The following DOCK7 variants were observed in gnomAD, a reference collection of about 807,000 sequenced individuals.
DOCK7 encodes the protein dedicator of cytokinesis protein 7.
Under a neutral mutation model 271.0 loss-of-function variants are expected in DOCK7, and 138 were observed. The observed-to-expected ratio is 0.51, with a 90% CI of 0.44 to 0.59. The LOEUF is 0.59. Ranked by LOEUF, DOCK7 falls within the 20% of genes least tolerant of loss-of-function variation. The probability of loss-of-function intolerance (pLI) is 0.00; values close to 1 mark genes in which losing one functional copy is unlikely to be tolerated. For synonymous variants in DOCK7, 823 were observed against 876.1 expected, an observed-to-expected ratio of 0.94 and a Z score of 1.07; for missense variants, 2,066 against 2,592.4, an observed-to-expected ratio of 0.80 and a Z score of 4.41.
chr1:62,582,253 A>G lies in DOCK7; in HGVS notation c.1871+931T>C, dbSNP rs568241711. Among the ~76,000 whole-genome samples the G allele has an allele frequency of 1.1e-3, 163 of 152,314 alleles. 1 individual carries two copies. Among genetic ancestry groups the G allele is most frequent in the African/African-American group, 3.5e-3 (144 of 41,576 alleles). On this transcript the variant is annotated intron_variant, in intron 16 of 49. Coordinates refer to ENST00000635253, the MANE Select transcript of DOCK7 (RefSeq NM_001367561.1). Reference sequence around the variant, plus strand: ...TAAATGAAGGCAAAGTGTTAAAACAATAAGATTATAAAAGAGGCCGGGCGC... The same window carrying G: ...TAAATGAAGGCAAAGTGTTAAAACAGTAAGATTATAAAAGAGGCCGGGCGC...
chr1:62,485,300 TGG>T (rs1646260475), intron 43 of DOCK7: 1 of 985,282 alleles, frequency 1.0e-6, no homozygotes, highest in African/African-American at 1.7e-5. Context: ...TTATTTTGCA[TGG>T]TAAAGACTTT....
intron 44 of DOCK7, 171 bp from the exon 45 acceptor site, chr1:62,476,327 T>C: frequency 1.9e-6 from 1 of 526,928 alleles, no homozygotes; most frequent in South Asian, 3.1e-5. Context: ...GCTTATAAAT[T>C]AGCATGGTCT....
intron 11 of DOCK7, among the ~76,000 whole-genome samples, chr1:62,625,608 A>G (rs965388357): frequency 6.6e-6 from 1 of 152,210 alleles, no homozygotes; most frequent in Non-Finnish European, 1.5e-5. Flanking sequence ...AGGTGTAAAA[A>G]TAAGTTTCTA....
chr1:62,583,873 GC>G (rs1038857653), intron 15 of DOCK7, among the ~76,000 whole-genome samples: 3 of 152,054 alleles, frequency 2.0e-5, no homozygotes, highest in Non-Finnish European at 2.9e-5. Context: ...AAGTAATTCA[GC>G]CTTGTATATC....
At chr1:62,599,220 C>T (rs1010993686) in intron 14 of DOCK7, among the ~76,000 whole-genome samples, 3 of 152,180 alleles carry the variant, frequency 2.0e-5, no homozygotes, top group East Asian at 1.9e-4. Flanking sequence ...CCCAACCCTT[C>T]GTCATCTCAC....
chr1:62,517,416 A>G (rs1644696494), intron 31 of DOCK7, among the ~76,000 whole-genome samples: 2 of 152,134 alleles, frequency 1.3e-5, no homozygotes, highest in South Asian at 4.2e-4. Context: ...ACCAAAATGG[A>G]GAAACCCCGT....
intron 1 of DOCK7, among the ~76,000 whole-genome samples, chr1:62,681,534 T>TA (rs1661154220): frequency 9.1e-5 from 1 of 11,026 alleles, no homozygotes; most frequent in Non-Finnish European, 9.4e-4. Flanking sequence ...TAAAGTATAA[T>TA]AAAAAATAAA....
chr1:62,553,793 A>T lies in DOCK7; in HGVS notation c.2597-892T>A, dbSNP rs572446086. ...TTCAGTATTTCTATAATTGTATATT[A>T]CACATACAATAAAAACCAAAATAGG... On this transcript the variant is annotated intron_variant, in intron 21 of 49. Transcript: ENST00000635253. Among the ~76,000 whole-genome samples the T allele has an allele frequency of 9.9e-5, 15 of 152,202 alleles. No homozygotes were observed. The East Asian group carries it at 1.7e-3, about 18-fold the overall frequency.
chr1:62,573,276 G>C lies in DOCK7; in HGVS notation c.2112+3986C>G, dbSNP rs149992087. ...GCTTGGAAGAAGCTGTCAGTGCAGA[G>C]AGAAAGGGATGTAGTAATGATTGTA... On this transcript the variant is annotated intron_variant, in intron 18 of 49. Coordinates refer to ENST00000635253, the MANE Select transcript of DOCK7 (RefSeq NM_001367561.1). Among the ~76,000 whole-genome samples, 583 of 152,298 alleles carry C rather than the reference G, an allele frequency of 3.8e-3. 6 individuals carry two copies. Among genetic ancestry groups the C allele is most frequent in the African/African-American group, 0.013 (530 of 41,570 alleles).
At chr1:62,462,491 C>T (rs1307305124) in intron 48 of DOCK7, among the ~76,000 whole-genome samples, 1 of 152,118 alleles carries the variant, frequency 6.6e-6, no homozygotes, top group Non-Finnish European at 1.5e-5. Context: ...GGCACATAAA[C>T]ACGGGTGCTT....
intron 31 of DOCK7, among the ~76,000 whole-genome samples, chr1:62,519,689 T>C (rs759177927): frequency 6.6e-6 from 1 of 152,044 alleles, no homozygotes. Flanking sequence ...GATGACTAAC[T>C]GGCTAAAAGA....
At chr1:62,564,926 T>A (rs2149450851) in intron 18 of DOCK7, among the ~76,000 whole-genome samples, 1 of 152,228 alleles carries the variant, frequency 6.6e-6, no homozygotes, top group Admixed American at 6.5e-5. Context: ...AACACCTCTA[T>A]GCAAATAAAC....
intron 14 of DOCK7, among the ~76,000 whole-genome samples, chr1:62,592,814 G>C (rs1648658048): frequency 6.6e-6 from 1 of 152,130 alleles, no homozygotes; most frequent in Admixed American, 6.6e-5. Context: ...TCCTGGCAGG[G>C]ATGTAAATTG....
chr1:62,652,122 C>T (rs1395421758), intron 4 of DOCK7, among the ~76,000 whole-genome samples: 1 of 152,198 alleles, frequency 6.6e-6, no homozygotes, highest in Admixed American at 6.5e-5. Flanking sequence ...TGTCACTGTG[C>T]ACACATGGTG....
At chr1:62,655,669 C>T (rs544381322) in intron 2 of DOCK7, among the ~76,000 whole-genome samples, 116 of 152,236 alleles carry the variant, frequency 7.6e-4, no homozygotes, top group African/African-American at 2.7e-3. Flanking sequence ...TCAAGCAATC[C>T]GCCTGCTTCG....
chr1:62,468,184 A>G (rs1435301877), intron 48 of DOCK7, among the ~76,000 whole-genome samples: 1 of 151,934 alleles, frequency 6.6e-6, no homozygotes, highest in East Asian at 1.9e-4. Flanking sequence ...AGCATGGTGA[A>G]ACCCTGTCTC....
intron 31 of DOCK7, among the ~76,000 whole-genome samples, chr1:62,527,857 C>G (rs970847047): frequency 7.9e-6 from 1 of 126,690 alleles, no homozygotes; most frequent in Non-Finnish European, 1.6e-5. Context: ...TGCACATGTA[C>G]CCTAAAACTT....
intron 43 of DOCK7, chr1:62,486,584 T>A (rs1342819561): frequency 6.6e-6 from 1 of 152,130 alleles, no homozygotes; most frequent in African/African-American, 2.4e-5. Flanking sequence ...TTTTTTCGGG[T>A]AAGATTGTAT....
chr1:62,603,936 T>C, intron 14 of DOCK7: 1 of 1,605,386 alleles, frequency 6.2e-7, no homozygotes, highest in South Asian at 1.1e-5. Flanking sequence ...CTGTACTTAA[T>C]AACTCACAGA....
Sources: allele counts gnomAD v4.1 joint callset (sites outside exome capture counted in the v4.1 genomes callset), GRCh38; gene constraint gnomAD v4.1.1; transcripts MANE v1.5; gene names NCBI Gene and HGNC (gene_info 2026-07-23, HGNC 2026-07-21).